Variants in SPG11 observed in about 807,000 individuals in gnomAD.
SPG11 encodes the protein spatacsin.
SPG11 carries 222 observed loss-of-function variants against 274.0 expected under a neutral mutation model. That is an observed-to-expected ratio of 0.81 (90% CI 0.73 to 0.91). SPG11 has a LOEUF of 0.91. Ranked by LOEUF, SPG11 falls within the 40% of genes least tolerant of loss-of-function variation. The probability of loss-of-function intolerance (pLI) is 0.00; values close to 1 mark genes in which losing one functional copy is unlikely to be tolerated. For missense variants in SPG11, 3,114 were observed against 2,872.7 expected (o/e 1.08, Z -1.92); for synonymous variants, 1,144 against 1,039.7 (o/e 1.10, Z -1.93).
In SPG11 at chr15:44,582,719, T is replaced by TA. The variant is rs147254401; in HGVS notation, c.5866+1094dup. Among the ~76,000 whole-genome samples, 1,163 of 150,854 alleles carry TA rather than the reference T, an allele frequency of 7.7e-3. 7 individuals carry two copies. The highest frequency in any genetic ancestry group is 0.012 in the Non-Finnish European group (782 of 67,680). On this transcript the variant is annotated intron_variant, in intron 30 of 39. Coordinates refer to ENST00000261866, the MANE Select transcript of SPG11 (RefSeq NM_025137.4). ...GGGGAATTCAAGGCTGGTCCAATAT[T>TA]AAAAAATCAACTAATGTAATCTACT...
intron 25 of SPG11, 68 bp downstream of exon 25, chr15:44,596,015 T>C: frequency 6.3e-7 from 1 of 1,595,516 alleles, no homozygotes; most frequent in South Asian, 1.1e-5. Flanking sequence ...ATTATCAGCC[T>C]TTCCTGTCCC....
At position 44,652,222 on chromosome 15, in the gene SPG11, A is replaced by T; in HGVS notation, c.914T>A (p.Leu305His). 6.2e-7 allele frequency: 1 copy of T among 1,614,110 alleles called. No homozygotes were observed. The highest frequency in any genetic ancestry group is 2.2e-5 in the East Asian group (1 of 44,868). Residue 305 changes from leucine to histidine, a missense_variant, in exon 5 of 40, where the codon CTT becomes CAT. Coordinates refer to ENST00000261866, the MANE Select transcript of SPG11 (RefSeq NM_025137.4). ...TACGCCCTTAGGTCCTTGAATAGGA[A>T]GATCTTCTAGTATTCTTTCACACAG... ...HLLCERILED[L>H]PIQGPKGVDE...
At chr15:44,593,548 G>A (rs754334324) in intron 26 of SPG11, among the ~76,000 whole-genome samples, 110 of 152,246 alleles carry the variant, frequency 7.2e-4, no homozygotes, top group African/African-American at 2.6e-3. Context: ...CTTACCTACT[G>A]TTGCCTGTGG....
At chr15:44,565,768 C>T in intron 38 of SPG11, 86 bp downstream of exon 38, 2 of 1,555,234 alleles carry the variant, frequency 1.3e-6, no homozygotes, top group South Asian at 1.1e-5. Flanking sequence ...GTCACTAGCC[C>T]TGAGACCTTA....
chr15:44,619,980 T>G, intron 15 of SPG11: 1 of 516,774 alleles, frequency 1.9e-6, no homozygotes, highest in South Asian at 2.1e-5. Context: ...CCTCCCAAAG[T>G]GCTGAGATTA....
chr15:44,566,109 C>T, intron 37 of SPG11, 100 bp from the exon 38 acceptor site: 2 of 1,585,414 alleles, frequency 1.3e-6, no homozygotes, highest in Non-Finnish European at 1.7e-6. Context: ...TCCTGGTTGG[C>T]CTATGATGCC....
intron 11 of SPG11, 133 bp from the exon 12 acceptor site, chr15:44,622,932 T>A (rs2083795039): frequency 1.3e-6 from 1 of 765,970 alleles, no homozygotes; most frequent in Non-Finnish European, 2.3e-6. Flanking sequence ...TTTCTGCTCT[T>A]TCAAACACTC....
intron 6 of SPG11, among the ~76,000 whole-genome samples, chr15:44,650,205 A>C (rs1023567703): frequency 6.6e-6 from 1 of 152,158 alleles, no homozygotes; most frequent in Non-Finnish European, 1.5e-5. Flanking sequence ...AGAAAAGTGC[A>C]AGAAAAACCT....
intron 8 of SPG11, among the ~76,000 whole-genome samples, chr15:44,630,906 T>C (rs1474424176): frequency 6.6e-6 from 1 of 152,102 alleles, no homozygotes; most frequent in East Asian, 1.9e-4. Context: ...AGAAAATATC[T>C]TTCCACCACA....
intron 33 of SPG11, chr15:44,572,397 CTTCT>C (rs2082441964): frequency 1.2e-5 from 5 of 408,318 alleles, no homozygotes; most frequent in Admixed American, 3.6e-5. Flanking sequence ...GTTTGTCTCC[CTTCT>C]AGGGGACAAT....
In SPG11 at chr15:44,652,019, T is replaced by C. The variant is rs185418167; in HGVS notation, c.1008-80A>G. On this transcript the variant is annotated intron_variant, in intron 5 of 39. Transcript: ENST00000261866. ...AAAACACTAAACCAGGGCAAAGATGTTCTTAAAAAAAAAAAGTATCTATCA... is the reference window on the plus strand; with the variant it reads ...AAAACACTAAACCAGGGCAAAGATGCTCTTAAAAAAAAAAAGTATCTATCA... The C allele has an allele frequency of 7.5e-5, 117 of 1,565,988 alleles. 2 individuals carry two copies. In the East Asian group the frequency reaches 2.6e-3, roughly 35 times the overall value.
chr15:44,634,743 C>T (rs541004067), intron 7 of SPG11, among the ~76,000 whole-genome samples: 1 of 152,046 alleles, frequency 6.6e-6, no homozygotes, highest in Non-Finnish European at 1.5e-5. Context: ...TGAACCACTA[C>T]ACTCAGCTAA....
chr15:44,626,616 A>G, intron 10 of SPG11, 109 bp from the exon 11 acceptor site: 1 of 1,138,100 alleles, frequency 8.8e-7, no homozygotes, highest in Non-Finnish European at 1.3e-6. Context: ...ACTTTTATTT[A>G]AAATCTATTA....
intron 35 of SPG11, among the ~76,000 whole-genome samples, chr15:44,568,182 CTG>C: frequency 6.6e-6 from 1 of 152,324 alleles, no homozygotes; most frequent in South Asian, 2.1e-4. Context: ...TGGATAGACA[CTG>C]AGGGCTTTTT....
chr15:44,585,104 A>G (rs2082729313), intron 29 of SPG11, among the ~76,000 whole-genome samples: 1 of 152,164 alleles, frequency 6.6e-6, no homozygotes, highest in Admixed American at 6.5e-5. Context: ...AAATAGTTGT[A>G]GCATATCCTA....
At chr15:44,611,800 G>A (rs1418340340) in intron 17 of SPG11, among the ~76,000 whole-genome samples, 2 of 144,114 alleles carry the variant, frequency 1.4e-5, no homozygotes, top group African/African-American at 5.1e-5. Context: ...CATTTAAAAT[G>A]GTCACTGTCT....
At chr15:44,624,314 C>A (rs1330761928) in intron 11 of SPG11, among the ~76,000 whole-genome samples, 3 of 150,352 alleles carry the variant, frequency 2.0e-5, no homozygotes, top group African/African-American at 7.4e-5. Flanking sequence ...ATAGTGAGAC[C>A]CTGTCTCTAC....
chr15:44,604,630 T>C (rs2083273534), intron 20 of SPG11, among the ~76,000 whole-genome samples: 1 of 152,072 alleles, frequency 6.6e-6, no homozygotes, highest in Non-Finnish European at 1.5e-5. Context: ...AGGTTTCCAA[T>C]TTTATAAATA....
chr15:44,590,624 C>T (rs1476990444), intron 27 of SPG11: 1 of 151,994 alleles, frequency 6.6e-6, no homozygotes, highest in Non-Finnish European at 1.5e-5. Flanking sequence ...GTTCTTGCTT[C>T]GTATTATTTT....
Sources: gnomAD v4.1 joint callset for allele counts (sites outside exome capture counted in the v4.1 genomes callset) on GRCh38, gnomAD v4.1.1 for gene constraint, MANE v1.5 for transcripts, NCBI Gene and HGNC (gene_info 2026-07-23, HGNC 2026-07-21) for gene names.